Variants in NTN1 observed in about 807,000 individuals in gnomAD.
NTN1 encodes netrin 1.
In NTN1, 11 loss-of-function variants were observed where a neutral mutation model predicts 54.2. That is an observed-to-expected ratio of 0.20 (90% CI 0.13 to 0.34). The LOEUF is 0.34. NTN1 is among the 10% of genes least tolerant of loss of function. NTN1 has a pLI of 1.00. For synonymous variants in NTN1, 371 were observed against 382.0 expected (o/e 0.97, Z 0.33); for missense variants, 740 against 893.1 (o/e 0.83, Z 2.18).
intron 6 of NTN1, among the ~76,000 whole-genome samples, chr17:9,223,317 C>T (rs889155952): frequency 6.6e-6 from 1 of 152,168 alleles, no homozygotes; most frequent in African/African-American, 2.4e-5. Context: ...TTTGGGAGGC[C>T]AAGGTGGGCA....
intron 2 of NTN1, among the ~76,000 whole-genome samples, chr17:9,110,280 T>C (rs2092185540): frequency 6.7e-6 from 1 of 150,232 alleles, no homozygotes; most frequent in African/African-American, 2.5e-5. Flanking sequence ...TCTTTTTTTT[T>C]TCTTTTTGAG....
chr17:9,221,226 C>T lies in NTN1; in HGVS notation c.1470C>T (p.Tyr490=). The change falls in exon 6 of 7, where the codon TAC becomes TAT. Residue 490 remains tyrosine, a synonymous_variant. Transcript: ENST00000173229. The surrounding 1 kb of genome is among the most constrained non-coding windows in gnomAD (Gnocchi z 4.5). ...AGCTGAAGATTAACATGAAAAAGTACTGCAAGAAGGACTATGGTGAGTGAG... is the reference window on the plus strand; with the variant it reads ...AGCTGAAGATTAACATGAAAAAGTATTGCAAGAAGGACTATGGTGAGTGAG... The part of the protein sequence containing the change: ...KGKLKINMKK[Y]CKKDYAVQIH... The T allele has an allele frequency of 6.3e-7, 1 of 1,580,856 alleles. No homozygotes were observed. Among genetic ancestry groups the T allele is most frequent in the Non-Finnish European group, 8.6e-7 (1 of 1,161,780 alleles).
chr17:9,005,408 C>T, the NTN1 span, among the ~76,000 whole-genome samples: 1 of 152,018 alleles, frequency 6.6e-6, no homozygotes. Context: ...ATCAGACTTC[C>T]AACCGCCCCC....
At chr17:9,129,220 C>T (rs1377510086) in intron 2 of NTN1, among the ~76,000 whole-genome samples, 5 of 152,044 alleles carry the variant, frequency 3.3e-5, no homozygotes, top group South Asian at 2.1e-4. Flanking sequence ...CTGCTGGGGA[C>T]GCCATTCAGG....
chr17:9,100,173 T>C (rs983309739), intron 2 of NTN1, among the ~76,000 whole-genome samples: 2 of 104,998 alleles, frequency 1.9e-5, no homozygotes, highest in Non-Finnish European at 3.9e-5. Flanking sequence ...GTATATGCTA[T>C]GTGTATATGT....
chr17:9,089,277 T>C (rs923775862), intron 2 of NTN1, among the ~76,000 whole-genome samples: 1 of 152,044 alleles, frequency 6.6e-6, no homozygotes, highest in Non-Finnish European at 1.5e-5. Flanking sequence ...TAGCCAGGTG[T>C]GGTGGCGGGC....
At chr17:9,028,422 T>A (rs2091878187) in intron 2 of NTN1, among the ~76,000 whole-genome samples, 1 of 152,128 alleles carries the variant, frequency 6.6e-6, no homozygotes, top group African/African-American at 2.4e-5. Flanking sequence ...GGCCGCTCCC[T>A]GCTCCACCCA....
intron 2 of NTN1, among the ~76,000 whole-genome samples, chr17:9,148,102 A>G (rs9904381): frequency 0.029 from 4,366 of 152,104 alleles, 219 homozygotes; most frequent in African/African-American, 0.099. Context: ...GTAGGGGCAG[A>G]GGGGCGTGGT....
At chr17:9,195,515 C>T (rs575350102) in intron 5 of NTN1, among the ~76,000 whole-genome samples, 8 of 151,972 alleles carry the variant, frequency 5.3e-5, no homozygotes, top group Middle Eastern at 3.4e-3. Flanking sequence ...GCTGTCACAG[C>T]GACCTTGCTG....
intron 2 of NTN1, among the ~76,000 whole-genome samples, chr17:9,024,568 G>A (rs949398501): frequency 6.6e-6 from 1 of 152,208 alleles, no homozygotes; most frequent in African/African-American, 2.4e-5. Flanking sequence ...TTTGAGGTCT[G>A]GTTCTGATTA....
intron 2 of NTN1, among the ~76,000 whole-genome samples, chr17:9,043,352 A>G (rs1022301677): frequency 1.3e-5 from 2 of 152,170 alleles, no homozygotes; most frequent in East Asian, 3.8e-4. Flanking sequence ...TTTCTAATTT[A>G]AAAAATCTAT....
intron 2 of NTN1, among the ~76,000 whole-genome samples, chr17:9,049,262 A>G (rs1393566591): frequency 6.6e-6 from 1 of 152,256 alleles, no homozygotes; most frequent in African/African-American, 2.4e-5. Flanking sequence ...GAAAAATAGA[A>G]TATTTGCATA....
At chr17:9,005,382 A>C in the NTN1 span, among the ~76,000 whole-genome samples, 3 of 152,014 alleles carry the variant, frequency 2.0e-5, no homozygotes, top group Non-Finnish European at 2.9e-5. Context: ...CAAACAGTGA[A>C]TCTCGGACTC....
At chr17:9,140,020 T>C (rs964852906) in intron 2 of NTN1, among the ~76,000 whole-genome samples, 3 of 151,836 alleles carry the variant, frequency 2.0e-5, no homozygotes, top group Admixed American at 6.6e-5. Flanking sequence ...ACTCTTATAC[T>C]TTCAGTTTGC....
At chr17:9,189,412 C>T (rs919429685) in intron 5 of NTN1, among the ~76,000 whole-genome samples, 1 of 152,198 alleles carries the variant, frequency 6.6e-6, no homozygotes. Context: ...AGTGCAGTGG[C>T]ACAATCTCAG....
At chr17:9,109,839 G>C (rs2092183974) in intron 2 of NTN1, among the ~76,000 whole-genome samples, 1 of 152,156 alleles carries the variant, frequency 6.6e-6, no homozygotes, top group South Asian at 2.1e-4. Context: ...TTGCATTGTT[G>C]ATTTAATTTG....
At position 9,027,993 on chromosome 17, in the gene NTN1, C is replaced by T. The variant is rs113291323; in HGVS notation, c.1018+4602C>T. Reference sequence around the variant, plus strand: ...ACAAAAAATTAGCTGGGCATAGTGGCGGGTGCCGGTAATCCTAGCTACTAG... The same window carrying T: ...ACAAAAAATTAGCTGGGCATAGTGGTGGGTGCCGGTAATCCTAGCTACTAG... On this transcript the variant is annotated intron_variant, in intron 2 of 6. Coordinates refer to ENST00000173229, the MANE Select transcript of NTN1 (RefSeq NM_004822.3). 2.6e-3 allele frequency among the ~76,000 whole-genome samples: 388 copies of T among 152,060 alleles called. 5 individuals are homozygous for T. The highest frequency in any genetic ancestry group is 8.9e-3 in the African/African-American group (369 of 41,460).
rs563505790 is a variant in NTN1, at chr17:9,109,987, G to C, written c.1019-52826G>C. Among the ~76,000 whole-genome samples the C allele has an allele frequency of 1.4e-4, 22 of 152,226 alleles. 1 individual carries two copies. The South Asian group carries it at 4.6e-3, about 32-fold the overall frequency. On this transcript the variant is annotated intron_variant, in intron 2 of 6. Transcript: ENST00000173229. Reference sequence around the variant, plus strand: ...TTGTCTTTTTCTTATTTATTTGTTGGAGTTCTTTGTATATTCTGGATACAA... The same window carrying C: ...TTGTCTTTTTCTTATTTATTTGTTGCAGTTCTTTGTATATTCTGGATACAA...
At chr17:9,092,319 C>CTTTTTTTTTTTTTTTTTT (rs148786553) in intron 2 of NTN1, among the ~76,000 whole-genome samples, 1 of 91,714 alleles carries the variant, frequency 1.1e-5, no homozygotes, top group Non-Finnish European at 2.1e-5. Flanking sequence ...CTTTTCTTCT[C>CTTTTTTTTTTTTTTTTTT]TTTTTTTTTT....
Sources: allele counts gnomAD v4.1 joint callset (sites outside exome capture counted in the v4.1 genomes callset), GRCh38; gene constraint gnomAD v4.1.1; non-coding constraint Gnocchi (gnomAD v3.1); transcripts MANE v1.5; gene names NCBI Gene and HGNC (gene_info 2026-07-23, HGNC 2026-07-21).